Variants in NPTXR observed in about 807,000 individuals in gnomAD.
The protein encoded by NPTXR is neuronal pentraxin receptor.
NPTXR carries 12 observed loss-of-function variants against 32.2 expected under a neutral mutation model. The observed-to-expected ratio is 0.37, with a 90% CI of 0.24 to 0.60. The LOEUF (loss-of-function observed/expected upper bound fraction) is 0.60. Among genes scored for constraint, NPTXR ranks in the 20% least tolerant of loss-of-function variants. NPTXR has a pLI of 0.66. For missense variants in NPTXR, 612 were observed against 682.9 expected, an observed-to-expected ratio of 0.90 and a Z score of 1.16; for synonymous variants, 323 against 315.8, an observed-to-expected ratio of 1.02 and a Z score of -0.24.
At position 38,838,573 on chromosome 22, in the gene NPTXR, A is replaced by ACTTTTTTTTTTT. The variant is rs200891254; in HGVS notation, c.624+4661_624+4662insAAAAAAAAAAAG. Among the ~76,000 whole-genome samples the ACTTTTTTTTTTT allele has an allele frequency of 6.0e-5, 5 of 83,190 alleles. 1 individual carries two copies. Among genetic ancestry groups the ACTTTTTTTTTTT allele is most frequent in the South Asian group, 7.7e-4 (2 of 2,584 alleles). 54.6% of individuals were successfully genotyped at this position (83,190 alleles called of 152,430 possible). ...GCACAGGCACCGCCCTCACCTGGCT[A>ACTTTTTTTTTTT]TTTTTTTTTTTTTTTTTTTTTTTTT... On this transcript the variant is annotated intron_variant, in intron 1 of 4. Coordinates refer to ENST00000333039, the MANE Select transcript of NPTXR (RefSeq NM_014293.4).
intron 1 of NPTXR, among the ~76,000 whole-genome samples, chr22:38,841,391 G>A (rs1353835543): frequency 6.6e-6 from 1 of 152,248 alleles, no homozygotes; most frequent in African/African-American, 2.4e-5. Context: ...CAACCTCAGC[G>A]GGCTAACCGG....
chr22:38,843,677 G>A lies in NPTXR; in HGVS notation c.182C>T (p.Ala61Val). 9.9e-7 allele frequency: 1 copy of A among 1,013,240 alleles called. No individual in the cohort carries two copies. Among genetic ancestry groups the A allele is most frequent in the Non-Finnish European group, 1.2e-6 (1 of 850,280 alleles). 62.8% of individuals were successfully genotyped at this position (1,013,240 alleles called of 1,614,324 possible). ...GGCTGAACCGCCCGCGCCGTGCAGC[G>A]CGCTCAGGCTCCGCTGCGGGCCCGG... Residue 61 changes from alanine (A) to valine (V), a missense_variant, in exon 1 of 5, where the codon GCG becomes GTG. Transcript: ENST00000333039. The surrounding 1 kb of genome is among the most constrained non-coding windows in gnomAD (Gnocchi z 5.3).
intron 3 of NPTXR, 141 bp downstream of exon 3, chr22:38,826,359 C>T: frequency 9.4e-7 from 1 of 1,058,768 alleles, no homozygotes; most frequent in Admixed American, 2.4e-5. Flanking sequence ...AGAGCCCAGC[C>T]TAGCACACGG....
chr22:38,827,741 AC>A (rs1180843200), intron 2 of NPTXR, among the ~76,000 whole-genome samples: 1 of 152,222 alleles, frequency 6.6e-6, no homozygotes, highest in African/African-American at 2.4e-5. Context: ...AAGGAAGTGA[AC>A]TTCTGAGGTC....
chr22:38,843,883 C>T lies in NPTXR; in HGVS notation c.-25G>A, dbSNP rs2093135902. 3 of 985,614 alleles carry T rather than the reference C, an allele frequency of 3.0e-6. No individual in the cohort carries two copies. Among genetic ancestry groups the T allele is most frequent in the Middle Eastern group, 5.1e-4 (1 of 1,968 alleles). 61.1% of individuals were successfully genotyped at this position (985,614 alleles called of 1,614,324 possible). A position where few individuals can be genotyped will look rare whatever the true frequency, so the allele number is the denominator to read the frequency against. On this transcript the variant is annotated 5_prime_UTR_variant, in exon 1 of 5. Transcript: ENST00000333039. This position sits in a 1 kb window ranked among gnomAD's most constrained non-coding sequence, Gnocchi z 5.3. ...GCGTGAGGCGGGCGGCGGGGGCGCCCGAGGCCCCCGGCAGGCGCGGCGGCG... is the reference window on the plus strand; with the variant it reads ...GCGTGAGGCGGGCGGCGGGGGCGCCTGAGGCCCCCGGCAGGCGCGGCGGCG...
At position 38,843,111 on chromosome 22, in the gene NPTXR, AG is replaced by A. The variant is rs1361552232; in HGVS notation, c.624+123del. The A allele has an allele frequency of 2.0e-6, 2 of 999,142 alleles. No individual in the cohort carries two copies. The highest frequency in any genetic ancestry group is 3.4e-5 in the African/African-American group (2 of 59,216). 61.9% of individuals were successfully genotyped at this position (999,142 alleles called of 1,614,324 possible). ...TCGAAATCCCCCCGCCTCGCCAGCGAGGAAGGCGCGATCGTCCCCGGAACAC... is the reference window on the plus strand; with the variant it reads ...TCGAAATCCCCCCGCCTCGCCAGCGAGAAGGCGCGATCGTCCCCGGAACAC... On this transcript the variant is annotated intron_variant, in intron 1 of 4. Transcript: ENST00000333039. This position sits in a 1 kb window ranked among gnomAD's most constrained non-coding sequence, Gnocchi z 5.3.
intron 1 of NPTXR, among the ~76,000 whole-genome samples, chr22:38,835,030 C>T (rs1401582199): frequency 2.0e-5 from 3 of 152,304 alleles, no homozygotes; most frequent in Admixed American, 1.3e-4. Context: ...GCCTCAGTTT[C>T]CTCATCTGTA....
At chr22:38,833,178 C>T (rs1245450331) in intron 1 of NPTXR, among the ~76,000 whole-genome samples, 1 of 152,178 alleles carries the variant, frequency 6.6e-6, no homozygotes, top group Non-Finnish European at 1.5e-5. Flanking sequence ...CTGCCCCTGC[C>T]CAGGATCACC....
chr22:38,843,472 C>G lies in NPTXR; in HGVS notation c.387G>C (p.Thr129=). ...GCGCCGTCTGGCGCAGCTGCTCGGC[C>G]GTGCTCTGCAGCAGCAGCAGCTCTT... The change falls in exon 1 of 5, where the codon ACG becomes ACC. Residue 129 remains threonine, a synonymous_variant. Transcript: ENST00000333039. This position sits in a 1 kb window ranked among gnomAD's most constrained non-coding sequence, Gnocchi z 5.3. 9.7e-6 allele frequency: 13 copies of G among 1,336,630 alleles called. No individual in the cohort carries two copies. Among genetic ancestry groups the G allele is most frequent in the Non-Finnish European group, 1.1e-5 (12 of 1,048,152 alleles). 82.8% of individuals were successfully genotyped at this position (1,336,630 alleles called of 1,614,324 possible).
chr22:38,838,126 G>T (rs1436728562), intron 1 of NPTXR, among the ~76,000 whole-genome samples: 1 of 152,100 alleles, frequency 6.6e-6, no homozygotes, highest in African/African-American at 2.4e-5. Context: ...CAAAGTGCTG[G>T]GATTACAGGT....
chr22:38,827,196 G>A (rs953105737), intron 2 of NPTXR, among the ~76,000 whole-genome samples: 2 of 151,802 alleles, frequency 1.3e-5, no homozygotes, highest in African/African-American at 4.8e-5. Context: ...GTAGCTTGAG[G>A]CCTGCCTCCT....
rs1051349015 is a variant in NPTXR, at chr22:38,819,079, T to C, written c.*3530A>G. ...ATCTGTGGTCCCAGGTGATGCAAAG[T>C]GGTGGCAAGGGGATTGGTCCCCTTG... On this transcript the variant is annotated 3_prime_UTR_variant, in exon 5 of 5. Coordinates refer to ENST00000333039, the MANE Select transcript of NPTXR (RefSeq NM_014293.4). 6.6e-6 allele frequency: 1 copy of C among 152,192 alleles called. No homozygotes were observed. Among genetic ancestry groups the C allele is most frequent in the African/African-American group, 2.4e-5 (1 of 41,410 alleles). 9.4% of individuals were successfully genotyped at this position (152,192 alleles called of 1,614,324 possible).
In NPTXR at chr22:38,822,241, CA is replaced by C; in HGVS notation, c.*367del. On this transcript the variant is annotated 3_prime_UTR_variant, in exon 5 of 5. Coordinates refer to ENST00000333039, the MANE Select transcript of NPTXR (RefSeq NM_014293.4). ...GGACAAGGGGGCGGGCGGCCACCCC[CA>C]CCACTGAGATAGTGGGGTCCCCCTC... 3.8e-6 allele frequency: 1 copy of C among 262,322 alleles called. No individual in the cohort carries two copies. The highest frequency in any genetic ancestry group is 7.5e-6 in the Non-Finnish European group (1 of 133,520). 16.2% of individuals were successfully genotyped at this position (262,322 alleles called of 1,614,324 possible). A position where few individuals can be genotyped will look rare whatever the true frequency, so the allele number is the denominator to read the frequency against.
chr22:38,838,829 C>A (rs989745390), intron 1 of NPTXR, among the ~76,000 whole-genome samples: 1 of 152,132 alleles, frequency 6.6e-6, no homozygotes, highest in Non-Finnish European at 1.5e-5. Flanking sequence ...AATCTGCCCA[C>A]CTTGGCCTCC....
rs1227080243 is a variant in NPTXR at position 38,834,354 on chromosome 22, G to A, written c.625-5842C>T. On this transcript the variant is annotated intron_variant, in intron 1 of 4. Transcript: ENST00000333039. The surrounding 1 kb of genome is among the most constrained non-coding windows in gnomAD (Gnocchi z 4.4). ...CTTACCCCGACAGGACATAGGTCAC[G>A]CCCACTGAAAGTCCTCTGCTGCTCA... Among the ~76,000 whole-genome samples the A allele has an allele frequency of 5.9e-5, 9 of 152,184 alleles. No individual in the cohort carries two copies. The highest frequency in any genetic ancestry group is 2.1e-4 in the South Asian group (1 of 4,816).
chr22:38,824,142 ATTTTTT>A (rs35302275), intron 3 of NPTXR, among the ~76,000 whole-genome samples: 3 of 137,504 alleles, frequency 2.2e-5, no homozygotes, highest in Non-Finnish European at 3.1e-5. Context: ...ATGCCCAGCT[ATTTTTT>A]TTTTTTTTTT....
intron 1 of NPTXR, among the ~76,000 whole-genome samples, chr22:38,833,684 C>A (rs368180581): frequency 1.7e-5 from 2 of 120,058 alleles, no homozygotes; most frequent in African/African-American, 6.2e-5. Context: ...GATGGAGTTT[C>A]TTTTTTTTTT....
At chr22:38,838,708 A>C (rs975241453) in intron 1 of NPTXR, among the ~76,000 whole-genome samples, 2 of 150,446 alleles carry the variant, frequency 1.3e-5, no homozygotes, top group South Asian at 2.1e-4. Context: ...CAGCCTCCTG[A>C]GTAGCTGGGA....
At position 38,839,508 on chromosome 22, in the gene NPTXR, G is replaced by A. The variant is rs188274685; in HGVS notation, c.624+3727C>T. 3.3e-3 allele frequency among the ~76,000 whole-genome samples: 510 copies of A among 152,314 alleles called. 3 individuals carry two copies. The highest frequency in any genetic ancestry group is 0.012 in the African/African-American group (484 of 41,552). ...TAAAAAACAAGAATTAGCTGGGCGT[G>A]GTGGCACATGCCTGTAGTCCCAGCT... is the stretch of plus-strand genomic sequence containing the variant. On this transcript the variant is annotated intron_variant, in intron 1 of 4. Transcript: ENST00000333039.
Sources: allele counts gnomAD v4.1 joint callset (sites outside exome capture counted in the v4.1 genomes callset), GRCh38; gene constraint gnomAD v4.1.1; non-coding constraint Gnocchi (gnomAD v3.1); transcripts MANE v1.5; gene names NCBI Gene and HGNC (gene_info 2026-07-23, HGNC 2026-07-21).